The following SCFD2 variants were observed in gnomAD, a reference collection of about 807,000 sequenced individuals.
The protein encoded by SCFD2 is sec1 family domain-containing protein 2.
In SCFD2, 54 loss-of-function variants were observed where a neutral mutation model predicts 58.9. The observed-to-expected ratio is 0.92, with a 90% confidence interval of 0.74 to 1.15. The LOEUF (loss-of-function observed/expected upper bound fraction) is 1.15. Ranked by LOEUF, SCFD2 falls within the 50% of genes most tolerant of loss-of-function variation. The pLI is 0.00. For missense variants in SCFD2, 805 were observed against 836.6 expected, an observed-to-expected ratio of 0.96 and a Z score of 0.47; for synonymous variants, 321 against 335.9, an observed-to-expected ratio of 0.96 and a Z score of 0.49.
chr4:52,929,351 T>TAAC (rs2109495205), intron 5 of SCFD2, among the ~76,000 whole-genome samples: 1 of 152,294 alleles, frequency 6.6e-6, no homozygotes, highest in East Asian at 1.9e-4. Context: ...CTTAAAAATA[T>TAAC]AACAAAACAA....
intron 5 of SCFD2, among the ~76,000 whole-genome samples, chr4:53,028,134 C>A (rs1382417874): frequency 6.6e-6 from 1 of 151,946 alleles, no homozygotes; most frequent in Admixed American, 6.6e-5. Context: ...GTAGTCCCAG[C>A]TACTTAGGAG....
At chr4:53,174,107 G>A (rs1359652227) in intron 4 of SCFD2, among the ~76,000 whole-genome samples, 1 of 151,694 alleles carries the variant, frequency 6.6e-6, no homozygotes, top group Non-Finnish European at 1.5e-5. Flanking sequence ...CAAATACTAA[G>A]CAGGAAAATA....
chr4:53,120,675 G>A (rs752591062), intron 5 of SCFD2, among the ~76,000 whole-genome samples: 4 of 152,116 alleles, frequency 2.6e-5, no homozygotes, highest in Non-Finnish European at 4.4e-5. Flanking sequence ...ACTGTCAGGC[G>A]TCATACCCAA....
intron 2 of SCFD2, among the ~76,000 whole-genome samples, 171 bp from the exon 3 acceptor site, chr4:53,313,934 A>C (rs1732778766): frequency 6.6e-6 from 1 of 152,246 alleles, no homozygotes; most frequent in African/African-American, 2.4e-5. Flanking sequence ...CATAATTGGC[A>C]GAAAATATTG....
chr4:53,299,825 G>T (rs1040672944), intron 3 of SCFD2, among the ~76,000 whole-genome samples: 8 of 152,064 alleles, frequency 5.3e-5, no homozygotes, highest in Non-Finnish European at 7.4e-5. Flanking sequence ...TTTCAACCCA[G>T]AATTTCATAT....
intron 5 of SCFD2, among the ~76,000 whole-genome samples, chr4:53,011,350 A>AT (rs1179142226): frequency 2.0e-5 from 3 of 152,162 alleles, no homozygotes; most frequent in African/African-American, 7.2e-5. Flanking sequence ...GTCCTGAGAG[A>AT]TTTTTCAGTG....
At chr4:53,201,387 G>A (rs1416986203) in intron 4 of SCFD2, among the ~76,000 whole-genome samples, 1 of 152,134 alleles carries the variant, frequency 6.6e-6, no homozygotes, top group Non-Finnish European at 1.5e-5. Flanking sequence ...GTATTCCATG[G>A]TGTATATGTG....
intron 5 of SCFD2, among the ~76,000 whole-genome samples, chr4:53,009,622 G>A (rs1470776140): frequency 1.3e-5 from 2 of 152,162 alleles, no homozygotes; most frequent in Non-Finnish European, 2.9e-5. Flanking sequence ...TCGTAATTCT[G>A]AGACTTAGTG....
intron 7 of SCFD2, among the ~76,000 whole-genome samples, chr4:52,899,057 T>C (rs1177097402): frequency 2.0e-5 from 3 of 152,202 alleles, no homozygotes; most frequent in Admixed American, 6.5e-5. Flanking sequence ...GCATGTGAGA[T>C]GGGTTTCCTG....
At chr4:53,353,656 A>G (rs1159408610) in intron 1 of SCFD2, among the ~76,000 whole-genome samples, 1 of 151,766 alleles carries the variant, frequency 6.6e-6, no homozygotes, top group Non-Finnish European at 1.5e-5. Flanking sequence ...CTAGACACAG[A>G]GTGCTGATTG....
chr4:53,333,822 A>C (rs1287764686), intron 2 of SCFD2, among the ~76,000 whole-genome samples: 19 of 137,268 alleles, frequency 1.4e-4, no homozygotes, highest in Admixed American at 6.8e-4. Flanking sequence ...CAACCTACAA[A>C]ATGGGAGAAA....
intron 2 of SCFD2, among the ~76,000 whole-genome samples, chr4:53,345,984 A>T (rs1734044444): frequency 6.6e-6 from 1 of 152,198 alleles, no homozygotes; most frequent in Non-Finnish European, 1.5e-5. Flanking sequence ...TACAATTAGG[A>T]GAAATACCTA....
At chr4:53,229,801 C>G (rs1729368582) in intron 4 of SCFD2, among the ~76,000 whole-genome samples, 1 of 152,172 alleles carries the variant, frequency 6.6e-6, no homozygotes, top group Non-Finnish European at 1.5e-5. Context: ...AGCTTCTGCG[C>G]AGCAAAAGAA....
At chr4:52,938,215 C>T (rs896291387) in intron 5 of SCFD2, among the ~76,000 whole-genome samples, 3 of 152,278 alleles carry the variant, frequency 2.0e-5, no homozygotes, top group Admixed American at 6.5e-5. Context: ...CAGAGCTGTT[C>T]TATGAAGTAG....
chr4:53,062,421 C>T (rs1723542495), intron 5 of SCFD2, among the ~76,000 whole-genome samples: 1 of 146,362 alleles, frequency 6.8e-6, no homozygotes, highest in Non-Finnish European at 1.5e-5. Flanking sequence ...ATAATAGTCT[C>T]TCATTAAAGA....
At chr4:53,008,268 C>T (rs889305671) in intron 5 of SCFD2, among the ~76,000 whole-genome samples, 4 of 152,134 alleles carry the variant, frequency 2.6e-5, no homozygotes, top group African/African-American at 9.7e-5. Flanking sequence ...TCTGCATTAG[C>T]CAATCCCATC....
intron 5 of SCFD2, among the ~76,000 whole-genome samples, chr4:53,095,494 T>A (rs1276419046): frequency 2.0e-5 from 3 of 152,110 alleles, no homozygotes; most frequent in Non-Finnish European, 4.4e-5. Flanking sequence ...CTCACTTAGA[T>A]TACTCTAAAA....
intron 4 of SCFD2, among the ~76,000 whole-genome samples, chr4:53,231,999 A>C (rs1729454863): frequency 6.6e-6 from 1 of 152,158 alleles, no homozygotes; most frequent in Admixed American, 6.5e-5. Context: ...AAGAATACAA[A>C]ACAAAAACTA....
intron 3 of SCFD2, among the ~76,000 whole-genome samples, chr4:53,310,761 G>C (rs1283055503): frequency 6.6e-6 from 1 of 151,942 alleles, no homozygotes; most frequent in Non-Finnish European, 1.5e-5. Context: ...TATTTCTCTT[G>C]GTGCTCATAA....
Sources: gnomAD v4.1 joint callset for allele counts (sites outside exome capture counted in the v4.1 genomes callset) on GRCh38, gnomAD v4.1.1 for gene constraint, MANE v1.5 for transcripts, NCBI Gene and HGNC (gene_info 2026-07-23, HGNC 2026-07-21) for gene names.